Variants in AFAP1 observed in about 807,000 individuals in gnomAD.
The protein encoded by AFAP1 is actin filament-associated protein 1.
AFAP1 carries 75 observed loss-of-function variants against 93.9 expected under a neutral mutation model. That is an observed-to-expected ratio of 0.80 (90% CI 0.66 to 0.97). The LOEUF is 0.97. AFAP1 is among the 50% of genes least tolerant of loss of function. The pLI is 0.00. For missense variants in AFAP1, 1,201 were observed against 1,050.8 expected (o/e 1.14, Z -1.98); for synonymous variants, 517 against 430.7 (o/e 1.20, Z -2.48).
chr4:7,774,800 A>G lies in AFAP1; in HGVS notation c.2001T>C (p.Asn667=), dbSNP rs1487280477. Residue 667 remains asparagine (N), a synonymous_variant, in exon 15 of 18, where the codon AAT becomes AAC. Coordinates refer to ENST00000420658, the MANE Select transcript of AFAP1 (RefSeq NM_001134647.2). ...TTTCCTTGCGGAGCTGGGCCAGCCTATTCCGCAGGGCCTCTTTCCTCTTCA... is the reference window on the plus strand; with the variant it reads ...TTTCCTTGCGGAGCTGGGCCAGCCTGTTCCGCAGGGCCTCTTTCCTCTTCA... ...ELLKRKEALR[N]RLAQLRKERK... 5 of 1,614,170 alleles carry G rather than the reference A, an allele frequency of 3.1e-6. No individual in the cohort carries two copies. In the South Asian group the frequency reaches 4.4e-5, roughly 14 times the overall value.
At position 7,798,011 on chromosome 4, in the gene AFAP1, G is replaced by A. The variant is rs377419415; in HGVS notation, c.1266+2431C>T. On this transcript the variant is annotated intron_variant, in intron 10 of 17. Transcript: ENST00000420658. ...CTTCGTGCTATCCTTGCAACTTTTC[G>A]GTAACTCTGAAATTATCTCAAAACA... 1.6e-4 allele frequency among the ~76,000 whole-genome samples: 24 copies of A among 152,252 alleles called. No individual in the cohort carries two copies. The South Asian group carries it at 3.1e-3, about 20-fold the overall frequency.
intron 6 of AFAP1, among the ~76,000 whole-genome samples, chr4:7,829,688 T>A (rs1721722197): frequency 6.6e-6 from 1 of 152,170 alleles, no homozygotes; most frequent in Admixed American, 6.5e-5. Context: ...CACATCAGAC[T>A]AGCAAAAACT....
intron 9 of AFAP1, among the ~76,000 whole-genome samples, chr4:7,803,078 G>T (rs548094226): frequency 1.3e-5 from 2 of 152,168 alleles, no homozygotes; most frequent in Non-Finnish European, 1.5e-5. Context: ...GCTGAAAGCC[G>T]ACACTTTTAC....
chr4:7,909,497 T>G (rs1719612878), intron 1 of AFAP1, among the ~76,000 whole-genome samples: 1 of 152,216 alleles, frequency 6.6e-6, no homozygotes. Flanking sequence ...TGTCAAATTA[T>G]TGTTTCATGA....
At chr4:7,878,604 T>C (rs947054783) in intron 1 of AFAP1, among the ~76,000 whole-genome samples, 2 of 152,244 alleles carry the variant, frequency 1.3e-5, no homozygotes, top group African/African-American at 4.8e-5. Context: ...CCGTGGTCTC[T>C]GAAGCTCCTT....
chr4:7,816,663 G>A (rs111408584), intron 7 of AFAP1, among the ~76,000 whole-genome samples: 6 of 152,260 alleles, frequency 3.9e-5, no homozygotes, highest in East Asian at 3.9e-4. Flanking sequence ...AGGATTCCAC[G>A]TCAGTATCTG....
intron 15 of AFAP1, chr4:7,774,516 T>C: frequency 1.6e-6 from 1 of 617,932 alleles, no homozygotes; most frequent in Non-Finnish European, 2.6e-6. Context: ...CGTGTGGGTC[T>C]GGCCCTGGCC....
At chr4:7,795,372 T>C (rs1718300037) in intron 10 of AFAP1, among the ~76,000 whole-genome samples, 1 of 149,796 alleles carries the variant, frequency 6.7e-6, no homozygotes, top group African/African-American at 2.4e-5. Flanking sequence ...ATGTGTTCTC[T>C]TCACAGGTCT....
intron 6 of AFAP1, among the ~76,000 whole-genome samples, chr4:7,830,371 C>T (rs1721780898): frequency 6.6e-6 from 1 of 152,236 alleles, no homozygotes; most frequent in African/African-American, 2.4e-5. Flanking sequence ...CTAGAGAAGA[C>T]AAGAAACGCG....
chr4:7,879,386 T>G (rs748488881), intron 1 of AFAP1, among the ~76,000 whole-genome samples: 6 of 152,232 alleles, frequency 3.9e-5, no homozygotes, highest in Non-Finnish European at 5.9e-5. Flanking sequence ...GAGCCATATC[T>G]ACACGTGAAC....
chr4:7,820,530 G>A (rs926544870), intron 6 of AFAP1, among the ~76,000 whole-genome samples: 2 of 152,098 alleles, frequency 1.3e-5, no homozygotes, highest in South Asian at 2.1e-4. Context: ...TGGAAGGCAC[G>A]GGAAAGCAGG....
At chr4:7,934,144 A>T (rs1721252304) in intron 1 of AFAP1, among the ~76,000 whole-genome samples, 1 of 152,212 alleles carries the variant, frequency 6.6e-6, no homozygotes, top group Non-Finnish European at 1.5e-5. Context: ...AATGGCCCAG[A>T]ACACCTACAA....
At chr4:7,780,551 G>A (rs1323117523) in intron 13 of AFAP1, among the ~76,000 whole-genome samples, 2 of 152,152 alleles carry the variant, frequency 1.3e-5, no homozygotes, top group African/African-American at 4.8e-5. Context: ...GGTGGCATGT[G>A]CCTGTTGTCC....
intron 4 of AFAP1, among the ~76,000 whole-genome samples, chr4:7,850,623 A>G (rs1242273262): frequency 6.6e-6 from 1 of 152,238 alleles, no homozygotes. Flanking sequence ...GGAGAGAAGG[A>G]AACAGCAGGC....
intron 3 of AFAP1, among the ~76,000 whole-genome samples, chr4:7,863,653 C>T (rs1209783628): frequency 6.6e-6 from 1 of 152,124 alleles, no homozygotes; most frequent in African/African-American, 2.4e-5. Flanking sequence ...TCCAAAGACA[C>T]ATTAGCCAGG....
At position 7,763,562 on chromosome 4, in the gene AFAP1, T is replaced by TTGGTTC. The variant is rs1298128344; in HGVS notation, c.*202_*203insGAACCA. On this transcript the variant is annotated 3_prime_UTR_variant, in exon 18 of 18. Transcript: ENST00000420658. The stretch of plus-strand genomic sequence containing the variant: ...TTAACAAAGTTGGGAACCAAAGTCT[T>TTGGTTC]ACATCTTTTTTAAAGGCGCCATTTT... 1 of 591,948 alleles carries TTGGTTC rather than the reference T, an allele frequency of 1.7e-6. No homozygotes were observed. The highest frequency in any genetic ancestry group is 1.9e-5 in the African/African-American group (1 of 53,364). 36.7% of individuals were successfully genotyped at this position (591,948 alleles called of 1,614,324 possible).
At chr4:7,870,222 G>T (rs1716901407) in intron 2 of AFAP1, among the ~76,000 whole-genome samples, 2 of 152,168 alleles carry the variant, frequency 1.3e-5, no homozygotes, top group Admixed American at 6.5e-5. Flanking sequence ...GAATCAAAAA[G>T]GCAGTTTAAC....
intron 1 of AFAP1, among the ~76,000 whole-genome samples, chr4:7,899,855 T>C (rs989808296): frequency 1.0e-5 from 1 of 95,928 alleles, no homozygotes; most frequent in African/African-American, 3.7e-5. Flanking sequence ...TTGTGCTCTT[T>C]AAAAATAAAT....
rs774024078 is a variant in AFAP1 at position 7,939,352 on chromosome 4, G to C, written c.-3+304C>G. On this transcript the variant is annotated intron_variant, in intron 1 of 17. Transcript: ENST00000420658. The surrounding 1 kb of genome is among the most constrained non-coding windows in gnomAD (Gnocchi z 5.6). Reference sequence around the variant, plus strand: ...CGCAGGGCCCCCTCTGACGCACACGGGGACCAGCCACGCCGCGGGGGCACC... The same window carrying C: ...CGCAGGGCCCCCTCTGACGCACACGCGGACCAGCCACGCCGCGGGGGCACC... 3.4e-5 allele frequency: 11 copies of C among 325,094 alleles called. No homozygotes were observed. Among genetic ancestry groups the C allele is most frequent in the South Asian group, 2.5e-4 (11 of 44,372 alleles). 20.1% of individuals were successfully genotyped at this position (325,094 alleles called of 1,614,324 possible).
Sources: allele counts gnomAD v4.1 joint callset (sites outside exome capture counted in the v4.1 genomes callset), GRCh38; gene constraint gnomAD v4.1.1; non-coding constraint Gnocchi (gnomAD v3.1); transcripts MANE v1.5; gene names NCBI Gene and HGNC (gene_info 2026-07-23, HGNC 2026-07-21).